ATRNL1: variants seen among roughly 807,000 people sequenced by gnomAD.
The protein encoded by ATRNL1 is attractin-like protein 1.
ATRNL1 carries 95 observed loss-of-function variants against 182.7 expected under a neutral mutation model. That is an observed-to-expected ratio of 0.52 (90% CI 0.44 to 0.62). The LOEUF (loss-of-function observed/expected upper bound fraction) is 0.62, where lower values mean the gene tolerates loss of function less well. Ranked by LOEUF, ATRNL1 falls within the 20% of genes least tolerant of loss-of-function variation. The pLI is 0.00. For missense variants in ATRNL1, 1,471 were observed against 1,679.5 expected, an observed-to-expected ratio of 0.88 and a Z score of 2.17; for synonymous variants, 576 against 568.3, an observed-to-expected ratio of 1.01 and a Z score of -0.19.
chr10:115,350,345 AG>A (rs200824180), intron 19 of ATRNL1, among the ~76,000 whole-genome samples: 5,836 of 37,002 alleles, frequency 0.16, 1,549 homozygotes, highest in African/African-American at 0.3. Flanking sequence ...AAAAAAAAAA[AG>A]AAAAAAAAAA....
chr10:115,515,494 T>G (rs1554983693), intron 24 of ATRNL1, among the ~76,000 whole-genome samples: 1 of 151,786 alleles, frequency 6.6e-6, no homozygotes, highest in Non-Finnish European at 1.5e-5. Flanking sequence ...GAAATTATAG[T>G]TTTAATTTTA....
intron 8 of ATRNL1, among the ~76,000 whole-genome samples, chr10:115,212,272 T>C (rs1849057842): frequency 6.6e-6 from 1 of 150,776 alleles, no homozygotes; most frequent in Non-Finnish European, 1.5e-5. Flanking sequence ...ATCCCGTTAG[T>C]TTTTATTTGT....
At chr10:115,613,719 G>A (rs1167178075) in intron 26 of ATRNL1, among the ~76,000 whole-genome samples, 1 of 151,686 alleles carries the variant, frequency 6.6e-6, no homozygotes, top group African/African-American at 2.4e-5. Flanking sequence ...TATATGTTTG[G>A]GTTTTCTATT....
At position 115,535,103 on chromosome 10, in the gene ATRNL1, G is replaced by A. The variant is rs375848953; in HGVS notation, c.3717-14355G>A. 2.9e-4 allele frequency among the ~76,000 whole-genome samples: 43 copies of A among 150,458 alleles called. No homozygotes were observed. The South Asian group carries it at 7.8e-3, about 27-fold the overall frequency. On this transcript the variant is annotated intron_variant, in intron 25 of 28. Coordinates refer to ENST00000355044, the MANE Select transcript of ATRNL1 (RefSeq NM_207303.4). Reference sequence around the variant, plus strand: ...TATGTGTCTTGGAGTTGCTCTTCTCGAGGAGTATCTTTGTGGCGTTCTCTG... The same window carrying A: ...TATGTGTCTTGGAGTTGCTCTTCTCAAGGAGTATCTTTGTGGCGTTCTCTG...
At chr10:115,701,644 A>G (rs1188310990) in intron 26 of ATRNL1, among the ~76,000 whole-genome samples, 1 of 152,028 alleles carries the variant, frequency 6.6e-6, no homozygotes, top group Non-Finnish European at 1.5e-5. Flanking sequence ...GAAAATATAA[A>G]AGTTCTTCAG....
intron 20 of ATRNL1, among the ~76,000 whole-genome samples, chr10:115,414,176 T>C (rs968151876): frequency 1.3e-5 from 2 of 152,070 alleles, no homozygotes; most frequent in Admixed American, 6.6e-5. Context: ...ACTTTGCTTA[T>C]ATCACTTCAG....
At chr10:115,667,101 C>T (rs1463858222) in intron 26 of ATRNL1, among the ~76,000 whole-genome samples, 1 of 152,068 alleles carries the variant, frequency 6.6e-6, no homozygotes, top group Non-Finnish European at 1.5e-5. Flanking sequence ...GTCCACTCTT[C>T]ACTGCTGTCT....
chr10:115,451,760 G>C (rs534105056), intron 21 of ATRNL1, among the ~76,000 whole-genome samples: 1 of 152,030 alleles, frequency 6.6e-6, no homozygotes, highest in Non-Finnish European at 1.5e-5. Flanking sequence ...CCATTACTTG[G>C]AATATACCCA....
intron 28 of ATRNL1, among the ~76,000 whole-genome samples, chr10:115,850,160 A>T (rs139608917): frequency 6.6e-6 from 1 of 152,184 alleles, no homozygotes; most frequent in African/African-American, 2.4e-5. Context: ...AGAGGGGTAG[A>T]TGGACTGATA....
chr10:115,502,001 T>C (rs1446841957), intron 24 of ATRNL1, among the ~76,000 whole-genome samples: 1 of 152,096 alleles, frequency 6.6e-6, no homozygotes, highest in Non-Finnish European at 1.5e-5. Flanking sequence ...AAGACAACAA[T>C]TGTCCTTGGA....
At chr10:115,875,046 A>G (rs1951671308) in intron 28 of ATRNL1, among the ~76,000 whole-genome samples, 4 of 152,216 alleles carry the variant, frequency 2.6e-5, no homozygotes. Flanking sequence ...AGATTGCAGC[A>G]GAAAAAGAGA....
At chr10:115,468,603 A>G (rs1848167606) in intron 23 of ATRNL1, among the ~76,000 whole-genome samples, 1 of 150,898 alleles carries the variant, frequency 6.6e-6, no homozygotes, top group Non-Finnish European at 1.5e-5. Context: ...CCAATTGAGC[A>G]TTTAGCTCAT....
intron 26 of ATRNL1, among the ~76,000 whole-genome samples, chr10:115,692,149 T>G (rs552585273): frequency 6.6e-5 from 10 of 152,296 alleles, no homozygotes; most frequent in African/African-American, 2.4e-4. Flanking sequence ...TCCTAATTCT[T>G]TAACAAATTA....
At chr10:115,599,907 A>G (rs1183532266) in intron 26 of ATRNL1, among the ~76,000 whole-genome samples, 2 of 152,160 alleles carry the variant, frequency 1.3e-5, no homozygotes, top group Non-Finnish European at 2.9e-5. Flanking sequence ...GTATCCAGTT[A>G]ACCACCAACA....
intron 25 of ATRNL1, among the ~76,000 whole-genome samples, chr10:115,547,263 A>AAAT (rs1554994007): frequency 5.9e-4 from 81 of 136,816 alleles, no homozygotes; most frequent in African/African-American, 2.3e-3. Context: ...TCAAAAAAAA[A>AAAT]ATATATATAT....
intron 27 of ATRNL1, among the ~76,000 whole-genome samples, chr10:115,771,157 T>C (rs1555076275): frequency 1.3e-5 from 2 of 151,806 alleles, no homozygotes; most frequent in African/African-American, 4.8e-5. Flanking sequence ...CAAAGAAATA[T>C]CAGAGCAACC....
In ATRNL1 at chr10:115,925,762, A is replaced by C. The variant is rs113373925; in HGVS notation, c.4019-18896A>C. On this transcript the variant is annotated intron_variant, in intron 28 of 28. Transcript: ENST00000355044. ...CAATACAGGAGCAGCCAGATTCATA[A>C]AACAAGCTCTCAGAAACCTATAAAG... is the stretch of plus-strand genomic sequence containing the variant. 3.2e-3 allele frequency among the ~76,000 whole-genome samples: 484 copies of C among 152,294 alleles called. 1 individual carries two copies. The highest frequency in any genetic ancestry group is 1.0e-2 in the African/African-American group (415 of 41,560).
chr10:115,686,368 A>C (rs563100427), intron 26 of ATRNL1, among the ~76,000 whole-genome samples: 150 of 152,108 alleles, frequency 9.9e-4, no homozygotes, highest in Middle Eastern at 3.4e-3. Context: ...CCATTTCTTG[A>C]GCTACACCTA....
chr10:115,943,404 AG>A, intron 28 of ATRNL1, among the ~76,000 whole-genome samples: 2 of 152,350 alleles, frequency 1.3e-5, no homozygotes, highest in South Asian at 4.1e-4. Flanking sequence ...CATGTGGCAA[AG>A]AAGTATATCA....
Sources: allele counts gnomAD v4.1 joint callset (sites outside exome capture counted in the v4.1 genomes callset), GRCh38; gene constraint gnomAD v4.1.1; transcripts MANE v1.5; gene names NCBI Gene and HGNC (gene_info 2026-07-23, HGNC 2026-07-21).